EYS: variants seen among roughly 807,000 people sequenced by gnomAD.
EYS encodes the protein EGF-like photoreceptor maintenance factor, also known as protein eyes shut homolog.
EYS carries 250 observed loss-of-function variants against 282.1 expected under a neutral mutation model. The observed-to-expected ratio is 0.89, with a 90% confidence interval of 0.80 to 0.98. The LOEUF (loss-of-function observed/expected upper bound fraction) is 0.98. Among genes scored for constraint, EYS ranks in the 50% least tolerant of loss-of-function variants. The pLI, the probability that EYS is intolerant of heterozygous loss-of-function variation, is 0.00. For synonymous variants in EYS, 1,355 were observed against 1,282.9 expected (o/e 1.06, Z -1.20); for missense variants, 4,016 against 3,709.0 (o/e 1.08, Z -2.15).
At chr6:64,580,204 C>A (rs11757603) in intron 26 of EYS, among the ~76,000 whole-genome samples, 14,980 of 152,020 alleles carry the variant, frequency 0.099, 918 homozygotes, top group East Asian at 0.17. Flanking sequence ...ATTCTTACAG[C>A]AAAGCTTTGG....
intron 26 of EYS, among the ~76,000 whole-genome samples, chr6:64,539,266 T>C (rs1764622934): frequency 6.6e-6 from 1 of 152,092 alleles, no homozygotes. Flanking sequence ...TTACCACAGG[T>C]TTTAAAAGTA....
At chr6:65,334,471 T>C (rs1769907538) in intron 11 of EYS, among the ~76,000 whole-genome samples, 1 of 151,838 alleles carries the variant, frequency 6.6e-6, no homozygotes, top group Non-Finnish European at 1.5e-5. Flanking sequence ...ATTATCACTA[T>C]GTTGCCCAGG....
chr6:63,760,217 A>T (rs761600566), intron 41 of EYS, among the ~76,000 whole-genome samples: 1 of 152,072 alleles, frequency 6.6e-6, no homozygotes, highest in Admixed American at 6.6e-5. Flanking sequence ...AAACTAGTCC[A>T]TGAAAAAAGC....
chr6:65,208,390 T>C (rs1028711671), intron 12 of EYS, among the ~76,000 whole-genome samples: 2 of 151,788 alleles, frequency 1.3e-5, no homozygotes, highest in Non-Finnish European at 2.9e-5. Flanking sequence ...GAAAATAGTG[T>C]GGGGATGTAT....
At chr6:63,852,547 A>G (rs980075346) in intron 36 of EYS, among the ~76,000 whole-genome samples, 1 of 152,336 alleles carries the variant, frequency 6.6e-6, no homozygotes, top group South Asian at 2.1e-4. Context: ...GAATTCTACC[A>G]GAGGTACAAA....
At position 63,721,778 on chromosome 6, in the gene EYS, A is replaced by G; in HGVS notation, c.8253T>C (p.Ser2751=). ...KAQSGDFLCI[S]LVNSSVQLRY... is the part of the protein sequence containing the mutation. ...GAAGTTGAACGGAACTATTTACTAAAGAGATGCATAAAAAATCACCTGCAA... is the reference window on the plus strand; with the variant it reads ...GAAGTTGAACGGAACTATTTACTAAGGAGATGCATAAAAAATCACCTGCAA... The change falls in exon 43 of 43, where the codon TCT becomes TCC. Residue 2751 remains serine (S), a synonymous_variant. Transcript: ENST00000503581. 2 of 1,543,588 alleles carry G rather than the reference A, an allele frequency of 1.3e-6. No individual in the cohort carries two copies. The highest frequency in any genetic ancestry group is 1.7e-6 in the Non-Finnish European group (2 of 1,142,900).
At position 64,669,373 on chromosome 6, in the gene EYS, G is replaced by A. The variant is rs138162763; in HGVS notation, c.3444-43128C>T. Among the ~76,000 whole-genome samples the A allele has an allele frequency of 1.0e-3, 157 of 152,266 alleles. 2 individuals are homozygous for A. Among genetic ancestry groups the A allele is most frequent in the African/African-American group, 3.4e-3 (143 of 41,566 alleles). On this transcript the variant is annotated intron_variant, in intron 22 of 42. Coordinates refer to ENST00000503581, the MANE Select transcript of EYS (RefSeq NM_001142800.2). ...CCCTTTGATGCAAAAAAGAGAGAGAGAGATAGGTTTGCAGAGTGGGGGAAA... is the reference window on the plus strand; with the variant it reads ...CCCTTTGATGCAAAAAAGAGAGAGAAAGATAGGTTTGCAGAGTGGGGGAAA...
intron 30 of EYS, among the ~76,000 whole-genome samples, chr6:64,249,885 G>C (rs1275866510): frequency 6.6e-6 from 1 of 152,146 alleles, no homozygotes; most frequent in Non-Finnish European, 1.5e-5. Context: ...AGAGGCAATG[G>C]GGAGTTTGTT....
intron 31 of EYS, among the ~76,000 whole-genome samples, chr6:64,096,934 T>C (rs1320617652): frequency 6.6e-6 from 1 of 152,242 alleles, no homozygotes; most frequent in Non-Finnish European, 1.5e-5. Flanking sequence ...GGTTTTGGTG[T>C]GGATGTCCTT....
At chr6:65,384,256 TCA>T (rs1052107196) in intron 8 of EYS, 128 bp downstream of exon 8, 21 of 642,710 alleles carry the variant, frequency 3.3e-5, no homozygotes, top group Non-Finnish European at 4.7e-5. Flanking sequence ...TTTACATAAC[TCA>T]CATTTAAATA....
intron 2 of EYS, among the ~76,000 whole-genome samples, chr6:65,574,907 A>G (rs796992930): frequency 5.3e-5 from 8 of 152,308 alleles, no homozygotes; most frequent in African/African-American, 1.9e-4. Context: ...GATTGAAATC[A>G]TATTAAATAT....
At chr6:65,008,424 A>C (rs1771757962) in intron 13 of EYS, among the ~76,000 whole-genome samples, 4 of 151,922 alleles carry the variant, frequency 2.6e-5, no homozygotes, top group Non-Finnish European at 1.5e-5. Context: ...TTTTTTATAA[A>C]AGAGATCAGG....
At chr6:64,094,299 TC>T (rs1327168546) in intron 31 of EYS, among the ~76,000 whole-genome samples, 1 of 152,162 alleles carries the variant, frequency 6.6e-6, no homozygotes, top group Non-Finnish European at 1.5e-5. Context: ...TCCTTTTTTT[TC>T]TATTAATTGG....
intron 35 of EYS, among the ~76,000 whole-genome samples, chr6:63,956,724 C>G (rs1280225074): frequency 1.3e-5 from 2 of 152,166 alleles, no homozygotes; most frequent in Non-Finnish European, 2.9e-5. Context: ...GCCTCCTTAT[C>G]TGCAAAACTT....
chr6:64,545,275 G>A (rs1405945811), intron 26 of EYS, among the ~76,000 whole-genome samples: 1 of 152,066 alleles, frequency 6.6e-6, no homozygotes, highest in Non-Finnish European at 1.5e-5. Context: ...AAAACCATAC[G>A]ATTATCTCAA....
intron 5 of EYS, among the ~76,000 whole-genome samples, chr6:65,436,409 C>G (rs1199290552): frequency 1.3e-5 from 2 of 151,862 alleles, no homozygotes; most frequent in African/African-American, 4.8e-5. Flanking sequence ...ATCAGCACAT[C>G]TATTCAAAGC....
At chr6:64,805,177 T>A (rs979909874) in intron 22 of EYS, among the ~76,000 whole-genome samples, 1 of 152,062 alleles carries the variant, frequency 6.6e-6, no homozygotes, top group African/African-American at 2.4e-5. Flanking sequence ...GTAAATTCAC[T>A]TGGTGAATTA....
intron 12 of EYS, among the ~76,000 whole-genome samples, chr6:65,065,170 C>T (rs1433402826): frequency 1.3e-5 from 2 of 152,050 alleles, no homozygotes; most frequent in Non-Finnish European, 2.9e-5. Context: ...AATTAATAGG[C>T]ATGTATTAAA....
At chr6:65,499,581 G>C (rs1014509305) in intron 2 of EYS, among the ~76,000 whole-genome samples, 19 of 151,884 alleles carry the variant, frequency 1.3e-4, no homozygotes, top group African/African-American at 4.6e-4. Flanking sequence ...AGGAAAATTA[G>C]AAATAGAAGA....
Sources: gnomAD v4.1 joint callset for allele counts (sites outside exome capture counted in the v4.1 genomes callset) on GRCh38, gnomAD v4.1.1 for gene constraint, MANE v1.5 for transcripts, NCBI Gene and HGNC (gene_info 2026-07-23, HGNC 2026-07-21) for gene names.